The following CCAR1 variants were observed in gnomAD, a reference collection of about 807,000 sequenced individuals.
CCAR1 encodes cell division cycle and apoptosis regulator 1, also known as cell division cycle and apoptosis regulator protein 1.
Under a neutral mutation model 163.8 loss-of-function variants are expected in CCAR1, and 78 were observed. That is an observed-to-expected ratio of 0.48 (90% CI 0.40 to 0.57). The LOEUF is 0.57. CCAR1 is among the 20% of genes least tolerant of loss of function. CCAR1 has a pLI of 0.00. For synonymous variants in CCAR1, 443 were observed against 460.7 expected (o/e 0.96, Z 0.49); for missense variants, 1,019 against 1,365.2 (o/e 0.75, Z 4.00).
At chr10:68,721,816 G>T (rs929808800) in intron 1 of CCAR1, among the ~76,000 whole-genome samples, 4 of 152,192 alleles carry the variant, frequency 2.6e-5, no homozygotes, top group African/African-American at 7.2e-5. Flanking sequence ...CGGCCGAGGA[G>T]GGGGTGCACG....
chr10:68,737,026 C>A lies in CCAR1; in HGVS notation c.224C>A (p.Ala75Asp). Residue 75 changes from alanine to aspartate, a missense_variant, in exon 3 of 25, where the codon GCT (alanine) becomes GAT (aspartate). Ala to Asp is a moderately radical substitution (Grantham distance 126). This residue lies in a region of CCAR1 where 644 missense variants were observed against 904.4 expected (regional missense o/e 0.71). Transcript: ENST00000265872. ...GCTGCATTGCAGCAACAAGCCGCAG[C>A]TGCAGCAGCTGCATTACAACAGGTA... Reference protein sequence around the residue: ...QTAALQQQAAAAAAALQQQYS... With the variant: ...QTAALQQQAADAAAALQQQYS... The A allele has an allele frequency of 6.2e-7, 1 of 1,613,218 alleles. No homozygotes were observed. Among genetic ancestry groups the A allele is most frequent in the East Asian group, 2.2e-5 (1 of 44,878 alleles).
chr10:68,750,072 T>C (rs940419402), intron 10 of CCAR1, among the ~76,000 whole-genome samples: 1 of 152,198 alleles, frequency 6.6e-6, no homozygotes. Context: ...TGTAGTATAA[T>C]AGAAACATTG....
chr10:68,762,098 G>A (rs2056478896), intron 16 of CCAR1, among the ~76,000 whole-genome samples: 1 of 151,880 alleles, frequency 6.6e-6, no homozygotes, highest in Non-Finnish European at 1.5e-5. Flanking sequence ...GGGAGGCCGA[G>A]GTGGGCGGAT....
At position 68,791,195 on chromosome 10, in the gene CCAR1, A is replaced by G. The variant is rs371673737; in HGVS notation, c.3394-12A>G. 205 of 1,489,480 alleles carry G rather than the reference A, an allele frequency of 1.4e-4. 1 individual carries two copies. Among genetic ancestry groups the G allele is most frequent in the Non-Finnish European group, 1.7e-4 (185 of 1,080,656 alleles). The allele number at this position is 1,489,480 out of a possible 1,614,324, so 92.3% of individuals were successfully genotyped here. On this transcript the variant is annotated splice_polypyrimidine_tract_variant and intron_variant, in intron 24 of 24. Coordinates refer to ENST00000265872, the MANE Select transcript of CCAR1 (RefSeq NM_018237.4). ...AATAAAATGTATTTTTTCCTTCTCT[A>G]TTGTCTTATAGGATAATGTAAAGAA...
At chr10:68,770,096 T>C (rs1184127595) in intron 17 of CCAR1, among the ~76,000 whole-genome samples, 1 of 152,218 alleles carries the variant, frequency 6.6e-6, no homozygotes, top group Admixed American at 6.5e-5. Flanking sequence ...CAATATGGCT[T>C]ATTTCCTTAT....
chr10:68,728,969 C>T (rs2055990852), intron 2 of CCAR1, among the ~76,000 whole-genome samples: 1 of 149,518 alleles, frequency 6.7e-6, no homozygotes, highest in East Asian at 1.9e-4. Context: ...AAAAAAAAAG[C>T]CCTGTCCAAT....
rs58204351 is a variant in CCAR1, at chr10:68,750,214, CTTTTTTTTT to C, written c.1118+540_1118+548del. 2.3e-4 allele frequency among the ~76,000 whole-genome samples: 12 copies of C among 52,972 alleles called. 1 individual carries two copies. Among genetic ancestry groups the C allele is most frequent in the Admixed American group, 2.1e-3 (10 of 4,782 alleles). The allele number at this position is 52,972 out of a possible 152,430, so 34.8% of individuals were successfully genotyped here. A position where few individuals can be genotyped will look rare whatever the true frequency, so the allele number is the denominator to read the frequency against. ...ACCAGAAATTTCTTTTTTCTTTTTT[CTTTTTTTTT>C]TTTTTTTTTTGAGATAGGGTCTTAC... On this transcript the variant is annotated intron_variant, in intron 10 of 24. Coordinates refer to ENST00000265872, the MANE Select transcript of CCAR1 (RefSeq NM_018237.4).
At position 68,773,887 on chromosome 10, in the gene CCAR1, A is replaced by AT. The variant is rs796904140; in HGVS notation, c.2650+798dup. Among the ~76,000 whole-genome samples the AT allele has an allele frequency of 8.2e-3, 1,215 of 147,848 alleles. 20 individuals are homozygous for AT. Among genetic ancestry groups the AT allele is most frequent in the African/African-American group, 0.028 (1,146 of 40,370 alleles). ...GCCACCATTCCTGGCTAATTTTTAA[A>AT]TTTTTTTTTTGTTGTTTTTTTTTCA... On this transcript the variant is annotated intron_variant, in intron 19 of 24. Transcript: ENST00000265872.
intron 8 of CCAR1, 64 bp downstream of exon 8, chr10:68,747,630 T>G: frequency 7.1e-7 from 1 of 1,417,986 alleles, no homozygotes; most frequent in Admixed American, 2.1e-5. Context: ...TAACTATGCT[T>G]TTAATTACAA....
intron 2 of CCAR1, among the ~76,000 whole-genome samples, chr10:68,736,469 C>T (rs2133321551): frequency 6.6e-6 from 1 of 152,226 alleles, no homozygotes; most frequent in South Asian, 2.1e-4. Context: ...AACCTTTGAC[C>T]AATGTCTGCC....
rs968661535 is a variant in CCAR1, at chr10:68,757,291, C to T, written c.1837-3C>T. ...TAATTACATTCTTAACTTTGTATGT[C>T]AGGATGAAGAAGAGAAGGATGATGG... On this transcript the variant is annotated splice_polypyrimidine_tract_variant and splice_region_variant and intron_variant, in intron 14 of 24. Coordinates refer to ENST00000265872, the MANE Select transcript of CCAR1 (RefSeq NM_018237.4). 3 of 1,471,230 alleles carry T rather than the reference C, an allele frequency of 2.0e-6. No homozygotes were observed. The African/African-American group carries it at 4.2e-5, about 21-fold the overall frequency. 91.1% of individuals were successfully genotyped at this position (1,471,230 alleles called of 1,614,324 possible). A position where few individuals can be genotyped will look rare whatever the true frequency, so the allele number is the denominator to read the frequency against.
At position 68,756,722 on chromosome 10, in the gene CCAR1, C is replaced by T; in HGVS notation, c.1836+239C>T. 1 of 570,048 alleles carries T rather than the reference C, an allele frequency of 1.8e-6. No homozygotes were observed. The highest frequency in any genetic ancestry group is 3.2e-6 in the Non-Finnish European group (1 of 312,292). 35.3% of individuals were successfully genotyped at this position (570,048 alleles called of 1,614,324 possible). A position where few individuals can be genotyped will look rare whatever the true frequency, so the allele number is the denominator to read the frequency against. On this transcript the variant is annotated intron_variant, in intron 14 of 24. Transcript: ENST00000265872. This position sits in a 1 kb window ranked among gnomAD's most constrained non-coding sequence, Gnocchi z 5.1. ...AGGAAAATAAGTTGTGCTTAAATTG[C>T]ACAGAATTTTGTTTTTATCATAGGT...
At chr10:68,749,808 G>A (rs1442128078) in intron 10 of CCAR1, 123 bp downstream of exon 10, 3 of 776,856 alleles carry the variant, frequency 3.9e-6, no homozygotes, top group Non-Finnish European at 6.2e-6. Context: ...TTCATATAAG[G>A]GCAGAAATGC....
At chr10:68,770,616 G>A (rs2056589579) in intron 17 of CCAR1, among the ~76,000 whole-genome samples, 1 of 152,106 alleles carries the variant, frequency 6.6e-6, no homozygotes, top group Non-Finnish European at 1.5e-5. Context: ...GGTGGCACAA[G>A]CCTGTAATCT....
At chr10:68,767,729 G>T (rs986585979) in intron 17 of CCAR1, among the ~76,000 whole-genome samples, 1 of 152,148 alleles carries the variant, frequency 6.6e-6, no homozygotes, top group Non-Finnish European at 1.5e-5. Context: ...ATGTTGGCCA[G>T]TCTGATCTTG....
At chr10:68,726,450 TCTTGACATG>T in intron 2 of CCAR1, among the ~76,000 whole-genome samples, 1 of 152,138 alleles carries the variant, frequency 6.6e-6, no homozygotes, top group African/African-American at 2.4e-5. Flanking sequence ...TGCGCCTGGC[TCTTGACATG>T]CTTAAACCTT....
rs1332017071 is a variant in CCAR1, at chr10:68,792,166, C to T, written c.*900C>T. 1.3e-5 allele frequency: 2 copies of T among 151,802 alleles called. No individual in the cohort carries two copies. The highest frequency in any genetic ancestry group is 1.9e-4 in the East Asian group (1 of 5,188). The allele number at this position is 151,802 out of a possible 1,614,324, so 9.4% of individuals were successfully genotyped here. On this transcript the variant is annotated 3_prime_UTR_variant, in exon 25 of 25. Coordinates refer to ENST00000265872, the MANE Select transcript of CCAR1 (RefSeq NM_018237.4). ...CTAGTATTGTTCTTTATGGGTTAGA[C>T]TTTACATAATATTAGTTGTCCTGAT...
At chr10:68,750,305 T>C (rs2056315423) in intron 10 of CCAR1, among the ~76,000 whole-genome samples, 1 of 151,538 alleles carries the variant, frequency 6.6e-6, no homozygotes, top group Non-Finnish European at 1.5e-5. Flanking sequence ...AGCCTCTGCC[T>C]CTGCCTCCTG....
Position 68,756,305 on chromosome 10 carries a change from C to T in CCAR1, c.1658C>T (p.Pro553Leu). The T allele has an allele frequency of 6.2e-7, 1 of 1,614,028 alleles. No homozygotes were observed. The highest frequency in any genetic ancestry group is 8.5e-7 in the Non-Finnish European group (1 of 1,179,988). The change falls in exon 14 of 25, where the codon CCT becomes CTT. Residue 553 changes from proline (P) to leucine (L), a missense_variant. Transcript: ENST00000265872. This position sits in a 1 kb window ranked among gnomAD's most constrained non-coding sequence, Gnocchi z 5.1. ...YRFAEIRYHR[P>L]EETHKGRTVP... ...TTTGCAGAGATTCGCTACCATCGCC[C>T]TGAGGAGACCCACAAGGGGCGTACA...
Sources: gnomAD v4.1 joint callset for allele counts (sites outside exome capture counted in the v4.1 genomes callset) on GRCh38, gnomAD v4.1.1 for gene constraint, gnomAD v4.1.1 regional missense constraint, Gnocchi (gnomAD v3.1) non-coding constraint, MANE v1.5 for transcripts, NCBI Gene and HGNC (gene_info 2026-07-23, HGNC 2026-07-21) for gene names.